Variants in DLGAP2 observed in about 807,000 individuals in gnomAD.
DLGAP2 encodes the protein disks large-associated protein 2.
DLGAP2 carries 26 observed loss-of-function variants against 100.3 expected under a neutral mutation model. That is an observed-to-expected ratio of 0.26 (90% CI 0.19 to 0.36). DLGAP2 has a LOEUF of 0.36. Ranked by LOEUF, DLGAP2 falls within the 10% of genes least tolerant of loss-of-function variation. The pLI is 1.00. For missense variants in DLGAP2, 1,858 were observed against 1,453.2 expected (o/e 1.28, Z -4.53); for synonymous variants, 886 against 630.1 (o/e 1.41, Z -6.08).
chr8:1,283,089 G>A (rs866499867), intron 3 of DLGAP2, among the ~76,000 whole-genome samples: 28 of 146,276 alleles, frequency 1.9e-4, no homozygotes, highest in African/African-American at 6.9e-4. Context: ...TCCAGACGTG[G>A]TGTGACCTGA....
At chr8:1,631,152 G>A (rs188398389) in intron 7 of DLGAP2, among the ~76,000 whole-genome samples, 29 of 152,282 alleles carry the variant, frequency 1.9e-4, no homozygotes, top group Admixed American at 5.2e-4. Context: ...TTTTGGGGAG[G>A]AGGAGTCACC....
At chr8:954,134 G>A (rs539341410) in intron 2 of DLGAP2, among the ~76,000 whole-genome samples, 6 of 152,130 alleles carry the variant, frequency 3.9e-5, no homozygotes, top group Non-Finnish European at 8.8e-5. Flanking sequence ...GGAAAAGGTT[G>A]TCCACACTGC....
At chr8:1,005,053 A>G (rs901430922) in intron 2 of DLGAP2, among the ~76,000 whole-genome samples, 2 of 152,214 alleles carry the variant, frequency 1.3e-5, no homozygotes, top group African/African-American at 2.4e-5. Flanking sequence ...AAGAGCACAC[A>G]GAAACTCTGT....
At chr8:1,169,411 C>G (rs982580026) in intron 2 of DLGAP2, among the ~76,000 whole-genome samples, 1 of 152,106 alleles carries the variant, frequency 6.6e-6, no homozygotes, top group African/African-American at 2.4e-5. Flanking sequence ...TTTTCCAATT[C>G]TGTGAAGAAA....
At chr8:1,321,433 A>C (rs1178144169) in intron 3 of DLGAP2, among the ~76,000 whole-genome samples, 4 of 151,998 alleles carry the variant, frequency 2.6e-5, no homozygotes, top group African/African-American at 7.2e-5. Flanking sequence ...GTGTGCTTGC[A>C]TCCATGCGTC....
intron 2 of DLGAP2, among the ~76,000 whole-genome samples, chr8:1,193,931 G>C (rs1026725713): frequency 1.3e-5 from 2 of 152,128 alleles, no homozygotes; most frequent in African/African-American, 2.4e-5. Context: ...GGACGTTTTC[G>C]TTCTCAGTAA....
intron 3 of DLGAP2, among the ~76,000 whole-genome samples, chr8:1,296,751 G>A (rs566509846): frequency 7.9e-5 from 12 of 152,322 alleles, no homozygotes; most frequent in African/African-American, 1.4e-4. Context: ...TGCGGGAAAC[G>A]TGGTAAGTGA....
intron 2 of DLGAP2, among the ~76,000 whole-genome samples, chr8:1,115,700 G>C (rs1447562503): frequency 1.3e-5 from 2 of 152,186 alleles, no homozygotes; most frequent in African/African-American, 4.8e-5. Context: ...GGGATCCCCA[G>C]TGCTGAGACC....
At chr8:1,221,209 A>T (rs939776531) in intron 2 of DLGAP2, among the ~76,000 whole-genome samples, 2 of 152,216 alleles carry the variant, frequency 1.3e-5, no homozygotes, top group African/African-American at 2.4e-5. Flanking sequence ...CTATGTACTT[A>T]TGTGTGTTTT....
intron 3 of DLGAP2, among the ~76,000 whole-genome samples, chr8:1,492,972 A>G (rs1175342520): frequency 1.3e-5 from 2 of 152,190 alleles, no homozygotes; most frequent in Non-Finnish European, 2.9e-5. Flanking sequence ...GGGAACAGGT[A>G]GCATTCCTTG....
At chr8:796,221 C>G (rs1008781762) in intron 1 of DLGAP2, among the ~76,000 whole-genome samples, 3 of 152,208 alleles carry the variant, frequency 2.0e-5, no homozygotes, top group Non-Finnish European at 4.4e-5. Context: ...TAGAGTTTAG[C>G]AAGCAGGTGA....
At chr8:1,260,668 G>C (rs964214005) in intron 3 of DLGAP2, among the ~76,000 whole-genome samples, 1 of 152,066 alleles carries the variant, frequency 6.6e-6, no homozygotes, top group Admixed American at 6.5e-5. Flanking sequence ...GATGTTTGGA[G>C]GCGAGGGTTT....
intron 3 of DLGAP2, among the ~76,000 whole-genome samples, chr8:1,474,321 T>C (rs1479427852): frequency 6.6e-6 from 1 of 152,208 alleles, no homozygotes; most frequent in Non-Finnish European, 1.5e-5. Context: ...TTTGTGATTG[T>C]GAATTGTGCT....
At chr8:1,039,242 G>C (rs1802225182) in intron 2 of DLGAP2, among the ~76,000 whole-genome samples, 1 of 151,190 alleles carries the variant, frequency 6.6e-6, no homozygotes, top group African/African-American at 2.4e-5. Context: ...GGTCAGCTCG[G>C]TGTGCGTGGT....
At chr8:1,626,960 A>G in intron 7 of DLGAP2, 73 bp downstream of exon 7, 1 of 1,508,268 alleles carries the variant, frequency 6.6e-7, no homozygotes, top group Non-Finnish European at 8.9e-7. Context: ...CCCCGGCCGC[A>G]TAGGTGGCGA....
At chr8:1,164,349 G>GC (rs1796969438) in intron 2 of DLGAP2, among the ~76,000 whole-genome samples, 1 of 143,574 alleles carries the variant, frequency 7.0e-6, no homozygotes, top group Non-Finnish European at 1.6e-5. Flanking sequence ...AGCCCGCAGG[G>GC]CCCGTCGTTT....
At chr8:1,668,285 G>A (rs747978241) in intron 8 of DLGAP2, 44 bp from the exon 9 acceptor site, 100 of 1,436,826 alleles carry the variant, frequency 7.0e-5, no homozygotes, top group Middle Eastern at 1.8e-4. Context: ...ACAGGCTGAC[G>A]GGGAAGAACA....
chr8:1,452,254 T>TGG (rs1798183622), intron 3 of DLGAP2, among the ~76,000 whole-genome samples: 7 of 152,054 alleles, frequency 4.6e-5, no homozygotes, highest in Non-Finnish European at 1.0e-4. Flanking sequence ...TCTGTGGCCA[T>TGG]GTGTTCTGTG....
intron 3 of DLGAP2, among the ~76,000 whole-genome samples, chr8:1,305,877 C>A (rs1047517686): frequency 4.6e-5 from 7 of 152,024 alleles, no homozygotes; most frequent in Admixed American, 3.3e-4. Context: ...CCTTGCCTGC[C>A]CTCTACTTAT....
Sources: allele counts gnomAD v4.1 joint callset (sites outside exome capture counted in the v4.1 genomes callset), GRCh38; gene constraint gnomAD v4.1.1; transcripts MANE v1.5; gene names NCBI Gene and HGNC (gene_info 2026-07-23, HGNC 2026-07-21).